Variants in SQSTM1 observed in about 807,000 individuals in gnomAD.
SQSTM1 encodes the protein sequestosome-1.
SQSTM1 carries 36 observed loss-of-function variants against 45.1 expected under a neutral mutation model. That is an observed-to-expected ratio of 0.80 (90% CI 0.61 to 1.05). SQSTM1 has a LOEUF of 1.05. Among genes scored for constraint, SQSTM1 ranks in the 50% least tolerant of loss-of-function variants. The pLI is 0.00. For missense variants in SQSTM1, 617 were observed against 607.1 expected (o/e 1.02, Z -0.17); for synonymous variants, 290 against 244.3 (o/e 1.19, Z -1.74).
At chr5:179,828,937 C>A (rs1758105915) in intron 5 of SQSTM1, among the ~76,000 whole-genome samples, 1 of 152,066 alleles carries the variant, frequency 6.6e-6, no homozygotes, top group Non-Finnish European at 1.5e-5. Flanking sequence ...CTTCAGAAAT[C>A]TCTGTGCCAG....
Position 179,836,416 on chromosome 5 carries a change from C to G in SQSTM1, c.1166-20C>G. 6.2e-7 allele frequency: 1 copy of G among 1,614,196 alleles called. No homozygotes were observed. Among genetic ancestry groups the G allele is most frequent in the Non-Finnish European group, 8.5e-7 (1 of 1,180,048 alleles). On this transcript the variant is annotated intron_variant, in intron 7 of 7. Coordinates refer to ENST00000389805, the MANE Select transcript of SQSTM1 (RefSeq NM_003900.5). ...CAGGGCTCAGCACCACTCCTCATGG[C>G]TTCCTTACTGTTTCGGCAGAGGCTG...
chr5:179,833,587 G>T lies in SQSTM1; in HGVS notation c.970G>T (p.Glu324Ter). The change falls in exon 7 of 8, where the codon GAA becomes TAA. Residue 324 changes from glutamate (E) to a stop codon, truncating the protein, a stop_gained and splice_region_variant. Coordinates refer to ENST00000389805, the MANE Select transcript of SQSTM1 (RefSeq NM_003900.5). LOFTEE classifies it high-confidence loss of function. ...IALESEGRPE[E>*]QMESDNCSGG... ...GTGCTCATGGTGAGTTTTGTTCCAG[G>T]AACAGATGGAGTCGGATAACTGTTC... 8 of 1,614,154 alleles carry T rather than the reference G, an allele frequency of 5.0e-6. No individual in the cohort carries two copies. The highest frequency in any genetic ancestry group is 6.8e-6 in the Non-Finnish European group (8 of 1,180,024).
chr5:179,810,116 T>A lies in SQSTM1; in HGVS notation c.-156-1458T>A, dbSNP rs188000702. Among the ~76,000 whole-genome samples the A allele has an allele frequency of 2.1e-3, 319 of 152,264 alleles. 1 individual carries two copies. The highest frequency in any genetic ancestry group is 6.8e-3 in the African/African-American group (281 of 41,566). On this transcript the variant is annotated intron_variant, in intron 1 of 5. Coordinates refer to the SQSTM1 transcript ENST00000514093. ...TTTTTTTAATTTAAATTTAAATTTT[T>A]ATTTTTTAATTTTTTATTTTACTTT...
At chr5:179,828,367 A>T (rs902732965) in intron 5 of SQSTM1, among the ~76,000 whole-genome samples, 451 of 93,440 alleles carry the variant, frequency 4.8e-3, no homozygotes, top group Middle Eastern at 0.012. Context: ...TTTTTTTCTT[A>T]TCTTTTTTTT....
rs1274935409 is a variant in SQSTM1 at position 179,833,622 on chromosome 5, T to A, written c.1005T>A (p.Asp335Glu). 6 of 1,614,160 alleles carry A rather than the reference T, an allele frequency of 3.7e-6. No homozygotes were observed. Among genetic ancestry groups the A allele is most frequent in the South Asian group, 2.2e-5 (2 of 91,076 alleles). Residue 335 changes from aspartate to glutamate, a missense_variant, in exon 7 of 8, where the codon GAT (aspartate) becomes GAA (glutamate). Asp to Glu is a conservative substitution (Grantham distance 45). Transcript: ENST00000389805. ...AGTCGGATAACTGTTCAGGAGGAGA[T>A]GATGACTGGACCCATCTGTCTTCAA... ...QMESDNCSGGDDDWTHLSSKE... is the reference protein window; with the variant it reads ...QMESDNCSGGEDDWTHLSSKE...
chr5:179,810,967 A>G (rs1392580184), intron 1 of SQSTM1, among the ~76,000 whole-genome samples: 1 of 152,140 alleles, frequency 6.6e-6, no homozygotes, highest in Non-Finnish European at 1.5e-5. Context: ...CTGTAATCCA[A>G]GTGAGACAGC....
At chr5:179,819,380 T>A (rs1046714782), upstream of SQSTM1, among the ~76,000 whole-genome samples, 3 of 120,428 alleles carry the variant, frequency 2.5e-5, no homozygotes, top group African/African-American at 9.2e-5. Context: ...CTTCCCGCGA[T>A]CCCAAACGGG....
chr5:179,821,325 A>G (rs912115474), intron 1 of SQSTM1, among the ~76,000 whole-genome samples, 184 bp downstream of exon 1: 4 of 152,164 alleles, frequency 2.6e-5, no homozygotes, highest in Admixed American at 6.5e-5. Flanking sequence ...CGGCCTGGTG[A>G]CTGGAGTGGT....
At position 179,833,232 on chromosome 5, in the gene SQSTM1, GA is replaced by G; in HGVS notation, c.956del (p.Glu319GlyfsTer59). On this transcript the variant is annotated frameshift_variant, in exon 6 of 8. Coordinates refer to ENST00000389805, the MANE Select transcript of SQSTM1 (RefSeq NM_003900.5). LOFTEE classifies it high-confidence loss of function. ...GATGAGGAAGATCGCCTTGGAGTCC[GA>G]GGGGCGCCCTGAGGCAAGCCTGTGC... ...EQMRKIALES[E>X]GRPEEQMESD... The G allele has an allele frequency of 2.5e-6, 4 of 1,588,600 alleles. No homozygotes were observed. Among genetic ancestry groups the G allele is most frequent in the Non-Finnish European group, 2.6e-6 (3 of 1,170,120 alleles).
chr5:179,833,859 CACAA>C (rs1339118750), intron 7 of SQSTM1, 77 bp downstream of exon 7: 16 of 1,501,458 alleles, frequency 1.1e-5, no homozygotes, highest in Non-Finnish European at 1.2e-5. Flanking sequence ...ATTTCAGCGA[CACAA>C]ACAGAAGGAT....
chr5:179,825,588 T>C (rs999795781), intron 5 of SQSTM1, among the ~76,000 whole-genome samples: 2 of 152,234 alleles, frequency 1.3e-5, no homozygotes, highest in Non-Finnish European at 2.9e-5. Context: ...ATTTGGACTT[T>C]TGAGGACCTG....
chr5:179,837,322 A>T lies in SQSTM1; in HGVS notation c.*729A>T. The T allele has an allele frequency of 6.3e-7, 1 of 1,589,520 alleles. No homozygotes were observed. The highest frequency in any genetic ancestry group is 8.6e-7 in the Non-Finnish European group (1 of 1,166,186). On this transcript the variant is annotated 3_prime_UTR_variant, in exon 8 of 8. Coordinates refer to ENST00000389805, the MANE Select transcript of SQSTM1 (RefSeq NM_003900.5). ...TTAATGGTTCTTACAGAGTATCTTT[A>T]AAAGTGCCTTAGGGGAACCCTGTCC...
Position 179,836,705 on chromosome 5 carries a change from CA to C in SQSTM1, c.*113del, listed in dbSNP as rs1405882640. On this transcript the variant is annotated 3_prime_UTR_variant, in exon 8 of 8. Coordinates refer to ENST00000389805, the MANE Select transcript of SQSTM1 (RefSeq NM_003900.5). ...CAGTTTCTCTGCCTTCTTCCAGGAT[CA>C]GGGGTTAGGGTGCAAGAAGCCATTT... 1.3e-6 allele frequency: 2 copies of C among 1,547,088 alleles called. No homozygotes were observed. The highest frequency in any genetic ancestry group is 1.4e-5 in the African/African-American group (1 of 73,554).
At chr5:179,809,330 T>C (rs1180842761) in intron 1 of SQSTM1, among the ~76,000 whole-genome samples, 7 of 105,242 alleles carry the variant, frequency 6.7e-5, no homozygotes, top group African/African-American at 2.2e-4. Flanking sequence ...GGCTAATTTT[T>C]TTTTTTTTTT....
chr5:179,836,150 CAA>C, intron 7 of SQSTM1: 2 of 546,820 alleles, frequency 3.7e-6, no homozygotes, highest in East Asian at 3.1e-5. Context: ...ATTTTAAAAT[CAA>C]AAGATGTGAC....
intron 5 of SQSTM1, among the ~76,000 whole-genome samples, chr5:179,831,326 A>G (rs964975734): frequency 7.2e-5 from 11 of 152,320 alleles, no homozygotes; most frequent in African/African-American, 2.2e-4. Flanking sequence ...GTAGAAAACT[A>G]TGGAGATGCT....
In SQSTM1 at chr5:179,824,303, C is replaced by T. The variant is rs1757913982; in HGVS notation, c.653C>T (p.Pro218Leu). The T allele has an allele frequency of 1.2e-6, 2 of 1,613,552 alleles. No individual in the cohort carries two copies. Among genetic ancestry groups the T allele is most frequent in the Non-Finnish European group, 1.7e-6 (2 of 1,180,046 alleles). The change falls in exon 4 of 8, where the codon CCT becomes CTT. Residue 218 changes from proline to leucine, a missense_variant. Pro to Leu is a moderately conservative substitution (Grantham distance 98). Coordinates refer to ENST00000389805, the MANE Select transcript of SQSTM1 (RefSeq NM_003900.5). ...CCTCCTCGTGCAGGGGAGGCCCGCC[C>T]TGGCCCCACGGCAGAATCAGGTGAG... Reference protein sequence around the residue: ...PRPPRAGEARPGPTAESASGP... With the variant: ...PRPPRAGEARLGPTAESASGP...
chr5:179,837,447 G>GT lies in SQSTM1; in HGVS notation c.*855dup, dbSNP rs764149779. 1.3e-4 allele frequency: 211 copies of GT among 1,611,348 alleles called. No homozygotes were observed. The highest frequency in any genetic ancestry group is 1.7e-4 in the Admixed American group (10 of 59,776). On this transcript the variant is annotated 3_prime_UTR_variant, in exon 8 of 8. Coordinates refer to ENST00000389805, the MANE Select transcript of SQSTM1 (RefSeq NM_003900.5). ...ATAAAGAGGTCACATAGTCGTGTGG[G>GT]TCGAGGATTCTGTGCCTCCAGGACC... is the stretch of plus-strand genomic sequence containing the variant.
rs138301285 is a variant in SQSTM1, at chr5:179,829,164, T to C, written c.755-3868T>C. Among the ~76,000 whole-genome samples the C allele has an allele frequency of 4.8e-3, 738 of 152,296 alleles. 7 individuals carry two copies. The highest frequency in any genetic ancestry group is 0.017 in the African/African-American group (718 of 41,562). ...CCAGGAGCACCTGACCCAGGGAAGCTTCAGCATGGGATACTAGAGACAGGC... is the reference window on the plus strand; with the variant it reads ...CCAGGAGCACCTGACCCAGGGAAGCCTCAGCATGGGATACTAGAGACAGGC... On this transcript the variant is annotated intron_variant, in intron 5 of 7. Transcript: ENST00000389805.
Sources: gnomAD v4.1 joint callset for allele counts (sites outside exome capture counted in the v4.1 genomes callset) on GRCh38, gnomAD v4.1.1 for gene constraint, MANE v1.5 for transcripts, NCBI Gene and HGNC (gene_info 2026-07-23, HGNC 2026-07-21) for gene names.